The following RPLP2 variants were observed in gnomAD, a reference collection of about 807,000 sequenced individuals.
The protein encoded by RPLP2 is ribosomal protein lateral stalk subunit P2.
A neutral mutation model predicts 11.5 loss-of-function variants in RPLP2; 1 was observed. The ratio of observed to expected loss-of-function variants is 0.09; its 90% CI spans 0.03 to 0.41. The LOEUF (loss-of-function observed/expected upper bound fraction) is 0.41. RPLP2 is among the 10% of genes least tolerant of loss of function. The probability of loss-of-function intolerance (pLI) is 0.98; values close to 1 mark genes in which losing one functional copy is unlikely to be tolerated. For missense variants in RPLP2, 177 were observed against 145.6 expected (o/e 1.22, Z -1.11); for synonymous variants, 82 against 55.9 (o/e 1.47, Z -2.08).
intron 4 of RPLP2, 33 bp from the exon 5 acceptor site, chr11:812,727 C>G (rs1342970948): frequency 1.1e-5 from 18 of 1,612,746 alleles, no homozygotes; most frequent in Non-Finnish European, 1.4e-5. Flanking sequence ...GGCACTTGGG[C>G]AGTGCTCACC....
At position 812,588 on chromosome 11, in the gene RPLP2, G is replaced by C. The variant is rs772028974; in HGVS notation, c.226G>C (p.Ala76Pro). Residue 76 changes from alanine to proline, a missense_variant, in exon 4 of 5, where the codon GCC becomes CCC. Coordinates refer to ENST00000321153, the MANE Select transcript of RPLP2 (RefSeq NM_001004.4). ...PAGGAVAVSA[A>P]PGSAAPAAGS... ...TGGTGGGGCTGTAGCCGTCTCTGCTGCCCCAGGCTCTGCAGCCCCTGCTGC... is the reference window on the plus strand; with the variant it reads ...TGGTGGGGCTGTAGCCGTCTCTGCTCCCCCAGGCTCTGCAGCCCCTGCTGC... The C allele has an allele frequency of 9.9e-6, 16 of 1,609,428 alleles. No individual in the cohort carries two copies. In the South Asian group the frequency reaches 1.6e-4, roughly 17 times the overall value.
chr11:810,147 C>T (rs544374482), intron 1 of RPLP2, 87 bp from the exon 2 acceptor site: 31 of 1,366,654 alleles, frequency 2.3e-5, no homozygotes, highest in African/African-American at 3.1e-5. Context: ...GGCCGAGCCA[C>T]GCGCGGCCTC....
intron 2 of RPLP2, chr11:811,329 C>T: frequency 1.9e-6 from 1 of 519,520 alleles, no homozygotes; most frequent in Non-Finnish European, 3.5e-6. Context: ...TTTATTTTGC[C>T]AGTGTTGAAG....
intron 1 of RPLP2, 65 bp from the exon 2 acceptor site, chr11:810,169 C>T: frequency 7.1e-7 from 1 of 1,408,888 alleles, no homozygotes; most frequent in Non-Finnish European, 9.3e-7. Flanking sequence ...CCCGGCGGCC[C>T]CGGGATGGGC....
chr11:810,090 G>A (rs1465134337), intron 1 of RPLP2, 51 bp downstream of exon 1: 8 of 1,011,750 alleles, frequency 7.9e-6, no homozygotes, highest in Non-Finnish European at 1.1e-5. Flanking sequence ...CGGAGTCCGT[G>A]GGGATGCGGG....
In RPLP2 at chr11:811,620, A is replaced by C. The variant is rs151259186; in HGVS notation, c.147A>C (p.Lys49Asn). 8.7e-6 allele frequency: 14 copies of C among 1,614,214 alleles called. No homozygotes were observed. Among genetic ancestry groups the C allele is most frequent in the Non-Finnish European group, 1.1e-5 (13 of 1,180,032 alleles). The stretch of plus-strand genomic sequence containing the variant: ...AGGTTATCAGTGAGCTGAATGGAAA[A>C]AACATTGAAGACGTCATTGCCCAGG... ...LNKVISELNG[K>N]NIEDVIAQGI... The change falls in exon 3 of 5, where the codon AAA (lysine) becomes AAC (asparagine). Residue 49 changes from lysine (K) to asparagine (N), a missense_variant. Coordinates refer to ENST00000321153, the MANE Select transcript of RPLP2 (RefSeq NM_001004.4).
At chr11:812,228 T>C in intron 3 of RPLP2, 1 of 455,320 alleles carries the variant, frequency 2.2e-6, no homozygotes, top group South Asian at 2.1e-5. Flanking sequence ...GCACACTCAT[T>C]CCCTACCTAG....
At chr11:811,812 C>T (rs532543051) in intron 3 of RPLP2, 167 bp downstream of exon 3, 4 of 869,548 alleles carry the variant, frequency 4.6e-6, no homozygotes, top group Admixed American at 3.4e-5. Flanking sequence ...CTTCTAGACA[C>T]TCTCAGGAGC....
Position 812,851 on chromosome 11 carries a change from G to A in RPLP2, c.*15G>A. The A allele has an allele frequency of 6.2e-7, 1 of 1,611,902 alleles. No individual in the cohort carries two copies. The highest frequency in any genetic ancestry group is 8.5e-7 in the Non-Finnish European group (1 of 1,179,398). The stretch of plus-strand genomic sequence containing the variant: ...TTTTTGATTAAATTCCTGCTCCCCT[G>A]CAAATAAAGCCTTTTTACACATCTC... On this transcript the variant is annotated 3_prime_UTR_variant, in exon 5 of 5. Coordinates refer to ENST00000321153, the MANE Select transcript of RPLP2 (RefSeq NM_001004.4).
intron 3 of RPLP2, chr11:812,266 C>CT (rs1459971075): frequency 9.5e-6 from 5 of 527,212 alleles, no homozygotes; most frequent in Non-Finnish European, 1.7e-5. Context: ...CAGTGGACCT[C>CT]TGAGGGTGGA....
Position 811,653 on chromosome 11 carries a change from G to C in RPLP2, c.172+8G>C, listed in dbSNP as rs767455198. On this transcript the variant is annotated splice_region_variant and intron_variant, in intron 3 of 4. Transcript: ENST00000321153. ...AAGACGTCATTGCCCAGGGTGAGTT[G>C]ATGTGGACGGGCTTTCGTTTGTTTT... 6.2e-7 allele frequency: 1 copy of C among 1,614,130 alleles called. No individual in the cohort carries two copies. The highest frequency in any genetic ancestry group is 1.3e-5 in the African/African-American group (1 of 74,936).
At chr11:810,102 TG>T in intron 1 of RPLP2, 63 bp downstream of exon 1, 1 of 1,108,842 alleles carries the variant, frequency 9.0e-7, no homozygotes, top group Non-Finnish European at 1.2e-6. Context: ...GGATGCGGGG[TG>T]GGCGGCGGGG....
At chr11:811,382 C>T (rs962543659) in intron 2 of RPLP2, 2 of 598,250 alleles carry the variant, frequency 3.3e-6, no homozygotes, top group East Asian at 5.6e-5. Context: ...TGCCCTGTGT[C>T]CTTTTGTCAG....
Position 810,429 on chromosome 11 carries a change from C to T in RPLP2, c.123+72C>T, listed in dbSNP as rs1412900328. 6.3e-6 allele frequency: 9 copies of T among 1,433,288 alleles called. No homozygotes were observed. In the East Asian group the frequency reaches 7.7e-5, roughly 12 times the overall value. 88.8% of individuals were successfully genotyped at this position (1,433,288 alleles called of 1,614,324 possible). ...CATACAGGCGATTCTTCTGCCTGAT[C>T]CGGCCACATGCTGGAGGGTTCGGGG... is the stretch of plus-strand genomic sequence containing the variant. On this transcript the variant is annotated intron_variant, in intron 2 of 4. Coordinates refer to ENST00000321153, the MANE Select transcript of RPLP2 (RefSeq NM_001004.4).
intron 3 of RPLP2, 59 bp from the exon 4 acceptor site, chr11:812,476 T>A: frequency 6.3e-7 from 1 of 1,595,622 alleles, no homozygotes; most frequent in East Asian, 2.2e-5. Flanking sequence ...CTAACTTCCC[T>A]GTGGAACAGC....
intron 3 of RPLP2, chr11:812,095 G>C (rs888251664): frequency 2.6e-6 from 1 of 377,514 alleles, no homozygotes; most frequent in Non-Finnish European, 5.1e-6. Flanking sequence ...GAACTTGTTT[G>C]GAAGTTGAGC....
Position 812,557 on chromosome 11 carries a change from A to G in RPLP2, c.195A>G (p.Val65=), listed in dbSNP as rs757680397. Residue 65 remains valine (V), a synonymous_variant, in exon 4 of 5, where the codon GTA becomes GTG. Coordinates refer to ENST00000321153, the MANE Select transcript of RPLP2 (RefSeq NM_001004.4). ...TAGGTATTGGCAAGCTTGCCAGTGT[A>G]CCTGCTGGTGGGGCTGTAGCCGTCT... ...IAQGIGKLAS[V]PAGGAVAVSA... 6.2e-7 allele frequency: 1 copy of G among 1,609,496 alleles called. No homozygotes were observed. Among genetic ancestry groups the G allele is most frequent in the Admixed American group, 1.7e-5 (1 of 60,010 alleles).
chr11:811,285 T>G, intron 2 of RPLP2: 1 of 422,556 alleles, frequency 2.4e-6, no homozygotes, highest in Non-Finnish European at 4.4e-6. Flanking sequence ...ACCACTGCAC[T>G]CCAGCCTGAA....
In RPLP2 at chr11:811,639, G is replaced by A; in HGVS notation, c.166G>A (p.Ala56Thr). 3 of 1,614,242 alleles carry A rather than the reference G, an allele frequency of 1.9e-6. No homozygotes were observed. Among genetic ancestry groups the A allele is most frequent in the Non-Finnish European group, 2.5e-6 (3 of 1,180,036 alleles). Reference protein sequence around the residue: ...LNGKNIEDVIAQGIGKLASVP... With the variant: ...LNGKNIEDVITQGIGKLASVP... ...TGGAAAAAACATTGAAGACGTCATT[G>A]CCCAGGGTGAGTTGATGTGGACGGG... is the stretch of plus-strand genomic sequence containing the variant. The change falls in exon 3 of 5, where the codon GCC becomes ACC. Residue 56 changes from alanine (A) to threonine (T), a missense_variant. Coordinates refer to ENST00000321153, the MANE Select transcript of RPLP2 (RefSeq NM_001004.4).
Sources: gnomAD v4.1 joint callset for allele counts on GRCh38, gnomAD v4.1.1 for gene constraint, MANE v1.5 for transcripts, NCBI Gene and HGNC (gene_info 2026-07-23, HGNC 2026-07-21) for gene names.